Variants in ALG9 observed in about 807,000 individuals in gnomAD.
ALG9 encodes ALG9 alpha-1,2-mannosyltransferase.
In ALG9, 55 loss-of-function variants were observed where a neutral mutation model predicts 81.8. The ratio of observed to expected loss-of-function variants is 0.67; its 90% confidence interval spans 0.54 to 0.84. The LOEUF is 0.84. ALG9 is among the 40% of genes least tolerant of loss of function. The pLI, the probability that ALG9 is intolerant of heterozygous loss-of-function variation, is 0.00. For missense variants in ALG9, 629 were observed against 745.0 expected, an observed-to-expected ratio of 0.84 and a Z score of 1.81; for synonymous variants, 278 against 274.3, an observed-to-expected ratio of 1.01 and a Z score of -0.13.
In ALG9 at chr11:111,786,453, A is replaced by C. The variant is rs1555064070; in HGVS notation, c.1801T>G (p.Tyr601Asp). The change falls in exon 15 of 15, where the codon TAC (tyrosine) becomes GAC (aspartate). Residue 601 changes from tyrosine to aspartate, a missense_variant. Tyr to Asp is a radical substitution (Grantham distance 160). Around this residue, in one of 3 missense-constraint regions of ALG9, gnomAD observed 264 missense variants for 302.2 expected, o/e 0.87. Transcript: ENST00000616540. ...GCTTTCCGGGGTTTGAGGATGGTGTAGTTTACGTACACTGTATACTGATCT... is the reference window on the plus strand; with the variant it reads ...GCTTTCCGGGGTTTGAGGATGGTGTCGTTTACGTACACTGTATACTGATCT... ...LSDQYTVYVN[Y>D]TILKPRKAKQ... 6.2e-7 allele frequency: 1 copy of C among 1,614,124 alleles called. No individual in the cohort carries two copies. Among genetic ancestry groups the C allele is most frequent in the South Asian group, 1.1e-5 (1 of 91,084 alleles).
At chr11:111,852,116 A>G (rs1555139108) in intron 8 of ALG9, among the ~76,000 whole-genome samples, 1 of 152,226 alleles carries the variant, frequency 6.6e-6, no homozygotes, top group Admixed American at 6.5e-5. Flanking sequence ...CAGGCAAATG[A>G]TGGACATGGC....
chr11:111,808,120 G>T (rs1282289144), intron 14 of ALG9, among the ~76,000 whole-genome samples: 1 of 152,086 alleles, frequency 6.6e-6, no homozygotes, highest in African/African-American at 2.4e-5. Context: ...CCATTATGTA[G>T]AAATGGCACT....
At chr11:111,860,488 T>C in intron 5 of ALG9, 59 bp downstream of exon 5, 1 of 1,387,162 alleles carries the variant, frequency 7.2e-7, no homozygotes, top group East Asian at 2.3e-5. Context: ...AATTCCCTCA[T>C]CTGCCCTTTT....
intron 14 of ALG9, among the ~76,000 whole-genome samples, chr11:111,803,239 T>C (rs1330319142): frequency 3.3e-5 from 5 of 152,122 alleles, no homozygotes; most frequent in Non-Finnish European, 5.9e-5. Context: ...CAGTAGCTCA[T>C]GCCTGTAATC....
At chr11:111,860,769 A>G (rs1555147195) in intron 4 of ALG9, 134 bp from the exon 5 acceptor site, 17 of 675,808 alleles carry the variant, frequency 2.5e-5, no homozygotes, top group Non-Finnish European at 2.0e-5. Flanking sequence ...CAGGTTTGTT[A>G]GCAATTCACT....
At chr11:111,854,095 CTTTTTT>C (rs34575358) in intron 6 of ALG9, among the ~76,000 whole-genome samples, 1 of 117,782 alleles carries the variant, frequency 8.5e-6, no homozygotes, top group Non-Finnish European at 1.7e-5. Context: ...TTATTACAGA[CTTTTTT>C]TTTTTTTTTT....
At chr11:111,840,501 T>A (rs1956056286) in intron 10 of ALG9, among the ~76,000 whole-genome samples, 154 bp downstream of exon 10, 2 of 152,092 alleles carry the variant, frequency 1.3e-5, no homozygotes, top group African/African-American at 4.8e-5. Flanking sequence ...AAGCAATCAA[T>A]ATAAGAAGGT....
At chr11:111,845,147 C>T (rs1257125636) in intron 8 of ALG9, 1 of 191,400 alleles carries the variant, frequency 5.2e-6, no homozygotes, top group Non-Finnish European at 1.1e-5. Flanking sequence ...GATAAAAAAA[C>T]TTAGTTGGTG....
In ALG9 at chr11:111,836,279, G is replaced by C. The variant is rs782175992; in HGVS notation, c.1488C>G (p.Phe496Leu). 1 of 1,614,070 alleles carries C rather than the reference G, an allele frequency of 6.2e-7. No homozygotes were observed. Among genetic ancestry groups the C allele is most frequent in the Non-Finnish European group, 8.5e-7 (1 of 1,180,000 alleles). Residue 496 changes from phenylalanine (F) to leucine (L), a missense_variant, in exon 13 of 15, where the codon TTC (phenylalanine) becomes TTG (leucine). Around this residue, in one of 3 missense-constraint regions of ALG9, gnomAD observed 264 missense variants for 302.2 expected, o/e 0.87. Transcript: ENST00000616540. The part of the protein sequence containing the change: ...FLLPDNWQLQ[F>L]IPSEFRGQLP... ...ACTGACCTCTGAACTCTGATGGAAT[G>C]AACTGAAGCTGCCAACTGTCAGAAA... is the stretch of plus-strand genomic sequence containing the variant.
At chr11:111,780,227 T>G (rs544182935), downstream of ALG9, among the ~76,000 whole-genome samples, 30 of 152,274 alleles carry the variant, frequency 2.0e-4, no homozygotes, top group Non-Finnish European at 3.1e-4. Flanking sequence ...ATAGGAATAT[T>G]CAATAAAGGT....
At position 111,870,262 on chromosome 11, in the gene ALG9, G is replaced by A; in HGVS notation, c.240C>T (p.Asp80=). 1 of 1,610,636 alleles carries A rather than the reference G, an allele frequency of 6.2e-7. No individual in the cohort carries two copies. The highest frequency in any genetic ancestry group is 8.5e-7 in the Non-Finnish European group (1 of 1,179,026). Reference sequence around the variant, plus strand: ...CCCAGTAGTTGAATGTTTCATCACAGTCAGAGATGTTGCTCAGGAGAGCAG... The same window carrying A: ...CCCAGTAGTTGAATGTTTCATCACAATCAGAGATGTTGCTCAGGAGAGCAG... The part of the protein sequence containing the change: ...LCAALLSNIS[D]CDETFNYWEP... Residue 80 remains aspartate, a synonymous_variant, in exon 2 of 15, where the codon GAC becomes GAT. Coordinates refer to ENST00000616540, the MANE Select transcript of ALG9 (RefSeq NM_024740.2).
At chr11:111,775,299 A>T in the ALG9 span, among the ~76,000 whole-genome samples, 1 of 152,198 alleles carries the variant, frequency 6.6e-6, no homozygotes, top group African/African-American at 2.4e-5. Flanking sequence ...TACTCAGCAG[A>T]ACTGGTAGGA....
chr11:111,863,834 A>G (rs1555150119), intron 4 of ALG9, among the ~76,000 whole-genome samples: 1 of 152,236 alleles, frequency 6.6e-6, no homozygotes, highest in East Asian at 1.9e-4. Flanking sequence ...GAGGCAAATC[A>G]TGATCCTGTA....
chr11:111,799,240 G>A (rs750538961), intron 14 of ALG9, among the ~76,000 whole-genome samples: 1 of 152,012 alleles, frequency 6.6e-6, no homozygotes, highest in Non-Finnish European at 1.5e-5. Flanking sequence ...TCCACCTCCC[G>A]GGTTCAAGTG....
At chr11:111,857,558 T>C (rs1175069372) in intron 6 of ALG9, 44 bp downstream of exon 6, 1 of 1,613,534 alleles carries the variant, frequency 6.2e-7, no homozygotes, top group African/African-American at 1.3e-5. Context: ...TAAGATTTAC[T>C]ATATGCCCAG....
At chr11:111,805,588 A>G (rs1163647949) in intron 14 of ALG9, among the ~76,000 whole-genome samples, 1 of 152,276 alleles carries the variant, frequency 6.6e-6, no homozygotes, top group Non-Finnish European at 1.5e-5. Flanking sequence ...TTCAAGCTAT[A>G]TGACATTCTG....
intron 13 of ALG9, chr11:111,817,109 C>T (rs546703912): frequency 6.6e-6 from 1 of 152,166 alleles, no homozygotes; most frequent in South Asian, 2.1e-4. Context: ...TGTTGAGAAA[C>T]AAAACGAGAG....
intron 6 of ALG9, among the ~76,000 whole-genome samples, chr11:111,855,437 G>A (rs1447105513): frequency 1.3e-5 from 2 of 152,158 alleles, no homozygotes; most frequent in Non-Finnish European, 2.9e-5. Context: ...GACTAGAGAG[G>A]AGGAGATCAT....
rs182890517 is a variant in ALG9, at chr11:111,826,955, C to A, written c.1602+9210G>T. ...TCTTCAAACTTATCCTCTAATCATT[C>A]TACTGACTTTAAAAATCTCCTTTAT... On this transcript the variant is annotated intron_variant, in intron 13 of 14. Coordinates refer to ENST00000616540, the MANE Select transcript of ALG9 (RefSeq NM_024740.2). 3.6e-4 allele frequency among the ~76,000 whole-genome samples: 55 copies of A among 152,208 alleles called. 1 individual carries two copies. Among genetic ancestry groups the A allele is most frequent in the African/African-American group, 1.1e-3 (46 of 41,538 alleles).
Sources: allele counts gnomAD v4.1 joint callset (sites outside exome capture counted in the v4.1 genomes callset), GRCh38; gene constraint gnomAD v4.1.1; regional missense constraint gnomAD v4.1.1; transcripts MANE v1.5; gene names NCBI Gene and HGNC (gene_info 2026-07-23, HGNC 2026-07-21).